Variants in CAST observed in about 807,000 individuals in gnomAD.
The protein encoded by CAST is MIR583 host.
Under a neutral mutation model 119.6 loss-of-function variants are expected in CAST, and 76 were observed. That is an observed-to-expected ratio of 0.64 (90% CI 0.53 to 0.77). The LOEUF (loss-of-function observed/expected upper bound fraction) is 0.77, where lower values mean the gene tolerates loss of function less well. Among genes scored for constraint, CAST ranks in the 30% least tolerant of loss-of-function variants. CAST has a pLI of 0.00. For synonymous variants in CAST, 319 were observed against 331.6 expected (o/e 0.96, Z 0.41); for missense variants, 953 against 946.5 (o/e 1.01, Z -0.09).
the CAST span, among the ~76,000 whole-genome samples, chr5:95,963,629 G>A: frequency 2.0e-5 from 3 of 151,824 alleles, no homozygotes; most frequent in Non-Finnish European, 2.9e-5. Flanking sequence ...AGTTTTCTCC[G>A]CTTTCCAAAA....
chr5:96,498,951 G>T, the CAST span, among the ~76,000 whole-genome samples: 10 of 151,002 alleles, frequency 6.6e-5, 1 homozygote, highest in African/African-American at 2.4e-4. Flanking sequence ...CTCAGTTTAG[G>T]ATGTAGCTAC....
chr5:96,671,499 C>G (rs1750066982), intron 1 of CAST, among the ~76,000 whole-genome samples: 1 of 152,008 alleles, frequency 6.6e-6, no homozygotes, highest in Admixed American at 6.6e-5. Flanking sequence ...AGTCTTTGGC[C>G]CATGTAATCC....
At chr5:96,517,668 C>T in the CAST span, among the ~76,000 whole-genome samples, 3 of 152,254 alleles carry the variant, frequency 2.0e-5, no homozygotes, top group South Asian at 6.2e-4. Flanking sequence ...ATTGCTCCAT[C>T]GATGAGCAGG....
At chr5:95,967,650 C>G in the CAST span, among the ~76,000 whole-genome samples, 3 of 152,090 alleles carry the variant, frequency 2.0e-5, no homozygotes, top group Non-Finnish European at 4.4e-5. Context: ...TCCCTCTTTG[C>G]TTGGCACTGC....
the CAST span, among the ~76,000 whole-genome samples, chr5:96,072,746 T>C: frequency 6.6e-6 from 1 of 152,314 alleles, no homozygotes; most frequent in East Asian, 1.9e-4. Context: ...GGAAAGAGAA[T>C]GTTGAGAGTG....
At chr5:96,163,254 T>A in the CAST span, among the ~76,000 whole-genome samples, 1 of 152,176 alleles carries the variant, frequency 6.6e-6, no homozygotes. Context: ...CATTCCTGAT[T>A]TTAATAATTT....
chr5:96,742,921 A>G (rs1468873708), intron 16 of CAST, among the ~76,000 whole-genome samples, 165 bp downstream of exon 16: 1 of 152,244 alleles, frequency 6.6e-6, no homozygotes, highest in Non-Finnish European at 1.5e-5. Context: ...TAAGGGGGAT[A>G]GTTACATGAC....
At chr5:96,590,871 A>G (rs909367971) in intron 1 of CAST, among the ~76,000 whole-genome samples, 2 of 152,248 alleles carry the variant, frequency 1.3e-5, no homozygotes, top group Non-Finnish European at 1.5e-5. Flanking sequence ...ATAAATATTA[A>G]CTAGTTAATT....
the CAST span, among the ~76,000 whole-genome samples, chr5:96,171,066 A>G: frequency 2.6e-5 from 4 of 152,146 alleles, no homozygotes; most frequent in African/African-American, 9.7e-5. Flanking sequence ...TGGGAGGGAA[A>G]GAAGCAAGAT....
intron 1 of CAST, among the ~76,000 whole-genome samples, chr5:96,618,573 G>C (rs1747520798): frequency 6.6e-6 from 1 of 152,266 alleles, no homozygotes; most frequent in Non-Finnish European, 1.5e-5. Context: ...CAAGTTCCAG[G>C]TGGTTGCGGG....
chr5:96,035,810 G>C, the CAST span, among the ~76,000 whole-genome samples: 1 of 151,614 alleles, frequency 6.6e-6, no homozygotes, highest in Non-Finnish European at 1.5e-5. Flanking sequence ...ACCAGTCTGT[G>C]GATACTATAT....
chr5:95,961,640 T>C, the CAST span: 1 of 1,609,812 alleles, frequency 6.2e-7, no homozygotes, highest in Non-Finnish European at 8.5e-7. Flanking sequence ...TGCAGTACGG[T>C]GATGTTGTCC....
At chr5:96,673,906 T>C (rs916419307) in intron 1 of CAST, among the ~76,000 whole-genome samples, 1 of 152,330 alleles carries the variant, frequency 6.6e-6, no homozygotes, top group South Asian at 2.1e-4. Flanking sequence ...TTCACCAAGC[T>C]ATTGCACCCT....
chr5:96,543,455 G>A (rs1452463264), intron 1 of CAST, among the ~76,000 whole-genome samples: 1 of 152,164 alleles, frequency 6.6e-6, no homozygotes, highest in East Asian at 1.9e-4. Context: ...CTAGATGATG[G>A]GTTGATGGAT....
chr5:96,019,171 C>G, the CAST span, among the ~76,000 whole-genome samples: 3 of 152,188 alleles, frequency 2.0e-5, no homozygotes, highest in Admixed American at 2.0e-4. Context: ...GTCATTAACA[C>G]TTCCCGGTGA....
chr5:96,124,239 G>A, the CAST span, among the ~76,000 whole-genome samples: 11 of 152,012 alleles, frequency 7.2e-5, no homozygotes, highest in Admixed American at 3.3e-4. Context: ...GGAGCACAGC[G>A]GCTATCTGTA....
At chr5:96,766,183 C>A in intron 27 of CAST, 38 bp downstream of exon 27, 1 of 1,139,732 alleles carries the variant, frequency 8.8e-7, no homozygotes, top group Non-Finnish European at 1.3e-6. Flanking sequence ...ATTTATGCTA[C>A]CAAGATCTTT....
At chr5:96,352,912 G>A in the CAST span, among the ~76,000 whole-genome samples, 14 of 151,974 alleles carry the variant, frequency 9.2e-5, no homozygotes, top group Non-Finnish European at 1.5e-4. Flanking sequence ...CTTCCCCTTC[G>A]CCTTCTGCCA....
chr5:96,426,977 C>G, the CAST span, among the ~76,000 whole-genome samples: 2 of 152,146 alleles, frequency 1.3e-5, no homozygotes, highest in African/African-American at 4.8e-5. Context: ...TATTTTCAAG[C>G]TTAATTGTTT....
Sources: gnomAD v4.1 joint callset for allele counts (sites outside exome capture counted in the v4.1 genomes callset) on GRCh38, gnomAD v4.1.1 for gene constraint, MANE v1.5 for transcripts, NCBI Gene and HGNC (gene_info 2026-07-23, HGNC 2026-07-21) for gene names.